The following PDE4D variants were observed in gnomAD, a reference collection of about 807,000 sequenced individuals.
The protein encoded by PDE4D is phosphodiesterase 4D, also known as 3',5'-cyclic-AMP phosphodiesterase 4D.
In PDE4D, 24 loss-of-function variants were observed where a neutral mutation model predicts 87.4. That is an observed-to-expected ratio of 0.27 (90% confidence interval 0.20 to 0.39). The LOEUF (loss-of-function observed/expected upper bound fraction) is 0.39. PDE4D is among the 10% of genes least tolerant of loss of function. The pLI, the probability that PDE4D is intolerant of heterozygous loss-of-function variation, is 1.00. For synonymous variants in PDE4D, 384 were observed against 383.2 expected, an observed-to-expected ratio of 1.00 and a Z score of -0.02; for missense variants, 714 against 1,041.0, an observed-to-expected ratio of 0.69 and a Z score of 4.32.
chr5:59,193,014 A>G (rs1159071018), intron 3 of PDE4D, among the ~76,000 whole-genome samples: 1 of 152,156 alleles, frequency 6.6e-6, no homozygotes, highest in Non-Finnish European at 1.5e-5. Context: ...CACATATGTC[A>G]TGTGGTTAAA....
At chr5:59,474,031 AAGAATTTGTGTTGACT>A (rs1479095669) in intron 1 of PDE4D, among the ~76,000 whole-genome samples, 2 of 152,140 alleles carry the variant, frequency 1.3e-5, no homozygotes, top group East Asian at 3.9e-4. Context: ...ATTTTTCTAG[AAGAATTTGTGTTGACT>A]AGAATTTTAA....
chr5:60,070,771 A>G (rs924196686), intron 2 of PDE4D, among the ~76,000 whole-genome samples: 42 of 151,980 alleles, frequency 2.8e-4, no homozygotes, highest in Non-Finnish European at 5.2e-4. Flanking sequence ...TTTTCTTTAA[A>G]CGTTTGTTAG....
intron 1 of PDE4D, among the ~76,000 whole-genome samples, chr5:59,673,017 C>T (rs17441217): frequency 0.18 from 28,101 of 152,116 alleles, 3,183 homozygotes; most frequent in South Asian, 0.26. Flanking sequence ...ACTTTTAACT[C>T]AACTTTCTAA....
At chr5:59,923,214 T>A (rs1754865808) in intron 3 of PDE4D, among the ~76,000 whole-genome samples, 1 of 152,168 alleles carries the variant, frequency 6.6e-6, no homozygotes, top group African/African-American at 2.4e-5. Flanking sequence ...GGTAGCTTCT[T>A]AAGATTTCTC....
intron 6 of PDE4D, chr5:58,999,645 A>G (rs569123684): frequency 8.7e-7 from 1 of 1,151,594 alleles, no homozygotes; most frequent in African/African-American, 1.6e-5. Flanking sequence ...AGCCACGCAG[A>G]GTATGAGTTT....
chr5:59,284,834 T>A (rs1766570195), intron 1 of PDE4D, among the ~76,000 whole-genome samples: 1 of 46,984 alleles, frequency 2.1e-5, no homozygotes, highest in Admixed American at 2.6e-4. Context: ...AATGATAGAC[T>A]GGATTAAGAA....
intron 2 of PDE4D, among the ~76,000 whole-genome samples, chr5:60,162,019 T>A (rs1445759123): frequency 6.6e-6 from 1 of 152,158 alleles, no homozygotes; most frequent in Non-Finnish European, 1.5e-5. Context: ...CACCATTTTC[T>A]GATAACTAAA....
intron 1 of PDE4D, among the ~76,000 whole-genome samples, chr5:60,433,609 G>A (rs1179899020): frequency 2.0e-5 from 3 of 152,146 alleles, no homozygotes; most frequent in Non-Finnish European, 4.4e-5. Context: ...CTACCATAAT[G>A]ATACACACAT....
chr5:59,196,302 C>CCTGGAATGGTCCCCTTTTGTGAT (rs1196046808), intron 2 of PDE4D, among the ~76,000 whole-genome samples: 3 of 152,076 alleles, frequency 2.0e-5, no homozygotes, highest in Non-Finnish European at 4.4e-5. Context: ...CACAGCCATA[C>CCTGGAATGGTCCCCTTTTGTGAT]CTGGAATGGT....
chr5:60,162,768 A>G (rs1004505409), intron 2 of PDE4D, among the ~76,000 whole-genome samples: 3 of 152,154 alleles, frequency 2.0e-5, no homozygotes, highest in Non-Finnish European at 4.4e-5. Flanking sequence ...GAAGAAAAAA[A>G]AAAGATGCTA....
At chr5:60,395,912 G>A (rs760157139) in intron 1 of PDE4D, among the ~76,000 whole-genome samples, 15 of 152,002 alleles carry the variant, frequency 9.9e-5, no homozygotes, top group Non-Finnish European at 1.9e-4. Context: ...CACCACCAGG[G>A]GACCATGTAG....
At chr5:59,679,613 T>C (rs1374684170) in intron 1 of PDE4D, among the ~76,000 whole-genome samples, 2 of 152,140 alleles carry the variant, frequency 1.3e-5, no homozygotes, top group Non-Finnish European at 2.9e-5. Flanking sequence ...GTAAGTAATG[T>C]ATGAGAAAGA....
At chr5:59,531,696 C>T (rs950922585) in intron 1 of PDE4D, among the ~76,000 whole-genome samples, 3 of 152,178 alleles carry the variant, frequency 2.0e-5, no homozygotes, top group Non-Finnish European at 4.4e-5. Flanking sequence ...TTGCATCTGT[C>T]TGACCCTTTT....
At chr5:59,805,602 C>T (rs1209938684) in intron 1 of PDE4D, among the ~76,000 whole-genome samples, 1 of 152,166 alleles carries the variant, frequency 6.6e-6, no homozygotes, top group African/African-American at 2.4e-5. Context: ...TTCCCTTTGG[C>T]ATTTAAAGAT....
At chr5:59,462,307 C>A (rs1800894768) in intron 1 of PDE4D, among the ~76,000 whole-genome samples, 1 of 152,000 alleles carries the variant, frequency 6.6e-6, no homozygotes, top group African/African-American at 2.4e-5. Flanking sequence ...TTCTACCAAT[C>A]CACCCTGGCA....
At chr5:60,473,251 AGGAAGGAAG>A (rs376315932) in intron 1 of PDE4D, among the ~76,000 whole-genome samples, 492 of 151,868 alleles carry the variant, frequency 3.2e-3, no homozygotes, top group African/African-American at 0.011. Context: ...AAGGAAAGGA[AGGAAGGAAG>A]GGAAGGAAGG....
chr5:60,416,492 C>T (rs936442179), intron 1 of PDE4D, among the ~76,000 whole-genome samples: 1 of 152,072 alleles, frequency 6.6e-6, no homozygotes, highest in Non-Finnish European at 1.5e-5. Flanking sequence ...CTGGGAGGAA[C>T]GAACAACTCC....
intron 6 of PDE4D, among the ~76,000 whole-genome samples, chr5:59,015,908 A>C (rs1161410166): frequency 5.3e-5 from 8 of 152,216 alleles, no homozygotes; most frequent in Admixed American, 5.2e-4. Flanking sequence ...GATTAAGAAA[A>C]TGTGGCACAT....
chr5:60,441,834 A>G (rs1745241199), intron 1 of PDE4D, among the ~76,000 whole-genome samples: 1 of 151,052 alleles, frequency 6.6e-6, no homozygotes, highest in South Asian at 2.1e-4. Context: ...AAACGTATGA[A>G]AAAAAAGCTC....
Sources: gnomAD v4.1 joint callset for allele counts (sites outside exome capture counted in the v4.1 genomes callset) on GRCh38, gnomAD v4.1.1 for gene constraint, MANE v1.5 for transcripts, NCBI Gene and HGNC (gene_info 2026-07-23, HGNC 2026-07-21) for gene names.